SLC22A23: variants seen among roughly 807,000 people sequenced by gnomAD.
SLC22A23 encodes ion transporter protein.
Under a neutral mutation model 61.0 loss-of-function variants are expected in SLC22A23, and 26 were observed. The observed-to-expected ratio is 0.43, with a 90% CI of 0.31 to 0.59. The LOEUF is 0.59. SLC22A23 is among the 20% of genes least tolerant of loss of function. The pLI, the probability that SLC22A23 is intolerant of heterozygous loss-of-function variation, is 0.11. For synonymous variants in SLC22A23, 430 were observed against 413.9 expected, an observed-to-expected ratio of 1.04 and a Z score of -0.47; for missense variants, 796 against 934.7, an observed-to-expected ratio of 0.85 and a Z score of 1.94.
chr6:3,306,361 G>A (rs1761976090), intron 4 of SLC22A23, among the ~76,000 whole-genome samples: 1 of 152,202 alleles, frequency 6.6e-6, no homozygotes, highest in African/African-American at 2.4e-5. Context: ...CCAGGTAAGG[G>A]AAAAATAATT....
rs1769184711 is a variant in SLC22A23 at position 3,410,903 on chromosome 6, C to A, written c.759-561G>T. Among the ~76,000 whole-genome samples the A allele has an allele frequency of 6.6e-6, 1 of 152,194 alleles. No individual in the cohort carries two copies. Among genetic ancestry groups the A allele is most frequent in the Admixed American group, 6.5e-5 (1 of 15,274 alleles). On this transcript the variant is annotated intron_variant, in intron 2 of 9. Transcript: ENST00000406686. The surrounding 1 kb of genome is among the most constrained non-coding windows in gnomAD (Gnocchi z 5.0). Reference sequence around the variant, plus strand: ...ACGAGAAGTAATTTTTAAGGGATCACACACTAAGGTAAGACAGCGTGAACT... The same window carrying A: ...ACGAGAAGTAATTTTTAAGGGATCAAACACTAAGGTAAGACAGCGTGAACT...
chr6:3,310,222 G>A (rs1418634884), intron 4 of SLC22A23, among the ~76,000 whole-genome samples: 4 of 147,180 alleles, frequency 2.7e-5, no homozygotes, highest in African/African-American at 1.1e-4. Flanking sequence ...GGAGCACCCT[G>A]TCTCCCACTG....
intron 4 of SLC22A23, among the ~76,000 whole-genome samples, chr6:3,314,318 C>T (rs191886641): frequency 4.6e-5 from 7 of 152,316 alleles, no homozygotes; most frequent in Non-Finnish European, 7.4e-5. Flanking sequence ...CACAGAACCC[C>T]GGGCTCATTA....
At chr6:3,379,980 C>T (rs753101617) in intron 3 of SLC22A23, among the ~76,000 whole-genome samples, 7 of 151,634 alleles carry the variant, frequency 4.6e-5, no homozygotes, top group Admixed American at 1.3e-4. Context: ...TGTGTGTGCA[C>T]GTGCGTGCAT....
chr6:3,275,848 T>C (rs576387403), intron 9 of SLC22A23, among the ~76,000 whole-genome samples: 14 of 152,322 alleles, frequency 9.2e-5, no homozygotes, highest in East Asian at 7.7e-4. Flanking sequence ...TCCCAAAGTG[T>C]TGGGATTACA....
At chr6:3,349,505 G>GAATTATTATAGTACCA (rs1233017983) in intron 3 of SLC22A23, among the ~76,000 whole-genome samples, 6 of 152,190 alleles carry the variant, frequency 3.9e-5, no homozygotes, top group African/African-American at 1.4e-4. Context: ...TGCAGGCCCT[G>GAATTATTATAGTACCA]AATTATTATA....
rs1349591373 is a variant in SLC22A23, at chr6:3,304,245, G to C, written c.1083-6027C>G. Among the ~76,000 whole-genome samples the C allele has an allele frequency of 1.3e-5, 2 of 152,196 alleles. No homozygotes were observed. Among genetic ancestry groups the C allele is most frequent in the Non-Finnish European group, 2.9e-5 (2 of 68,034 alleles). On this transcript the variant is annotated intron_variant, in intron 4 of 9. Coordinates refer to ENST00000406686, the MANE Select transcript of SLC22A23 (RefSeq NM_015482.2). The surrounding 1 kb of genome is among the most constrained non-coding windows in gnomAD (Gnocchi z 4.3). ...AGGGCAGACAGGGCTCTGAGACTCTGCCTGCTCCTCAGTGATCACTCCCTC... is the reference window on the plus strand; with the variant it reads ...AGGGCAGACAGGGCTCTGAGACTCTCCCTGCTCCTCAGTGATCACTCCCTC...
chr6:3,383,397 C>T (rs143096208), intron 3 of SLC22A23, among the ~76,000 whole-genome samples: 3 of 152,314 alleles, frequency 2.0e-5, no homozygotes, highest in East Asian at 1.9e-4. Flanking sequence ...GCACCAAAGC[C>T]GGGTAGTGAG....
Position 3,323,923 on chromosome 6 carries a change from G to T in SLC22A23, c.993C>A (p.Leu331=). ...ASFVAMAGQF[L]MPGLAALCRD... ...GGCACAGGGCGGCTAGCCCAGGCAT[G>T]AGGAACTGGCCCGCCATGGCCACGA... The change falls in exon 4 of 10, where the codon CTC becomes CTA. Residue 331 remains leucine, a synonymous_variant. Transcript: ENST00000406686. 1 of 1,614,216 alleles carries T rather than the reference G, an allele frequency of 6.2e-7. No homozygotes were observed. Among genetic ancestry groups the T allele is most frequent in the Non-Finnish European group, 8.5e-7 (1 of 1,180,050 alleles).
At chr6:3,276,017 A>G (rs1169261012) in intron 9 of SLC22A23, among the ~76,000 whole-genome samples, 1 of 152,238 alleles carries the variant, frequency 6.6e-6, no homozygotes, top group Non-Finnish European at 1.5e-5. Context: ...GGTGGCCCTC[A>G]TAAACCAGAT....
At chr6:3,288,143 G>A (rs1429332378) in intron 6 of SLC22A23, among the ~76,000 whole-genome samples, 1 of 152,178 alleles carries the variant, frequency 6.6e-6, no homozygotes, top group Non-Finnish European at 1.5e-5. Context: ...GCTGCTGATG[G>A]CCATCCATGG....
chr6:3,386,304 T>G lies in SLC22A23; in HGVS notation c.913+23884A>C, dbSNP rs974280302. 1.3e-5 allele frequency among the ~76,000 whole-genome samples: 2 copies of G among 151,990 alleles called. No individual in the cohort carries two copies. The highest frequency in any genetic ancestry group is 2.9e-5 in the Non-Finnish European group (2 of 67,968). ...GGGAGGCAGAAAAGGCTGCTCAGGG[T>G]GGCGGTGGCCCAAGCTGGAGGGCAG... On this transcript the variant is annotated intron_variant, in intron 3 of 9. Transcript: ENST00000406686. This position sits in a 1 kb window ranked among gnomAD's most constrained non-coding sequence, Gnocchi z 4.4.
At chr6:3,385,535 T>C (rs1477817138) in intron 3 of SLC22A23, among the ~76,000 whole-genome samples, 2 of 152,084 alleles carry the variant, frequency 1.3e-5, no homozygotes, top group South Asian at 2.1e-4. Context: ...AAAAAAAGGT[T>C]AAGATGGTAA....
At chr6:3,396,183 C>CTGG (rs1186426882) in intron 3 of SLC22A23, among the ~76,000 whole-genome samples, 1 of 152,170 alleles carries the variant, frequency 6.6e-6, no homozygotes, top group Non-Finnish European at 1.5e-5. Flanking sequence ...GGCATGGTCC[C>CTGG]TGGCTAGGGC....
chr6:3,362,098 T>TTA (rs1490864117), intron 3 of SLC22A23, among the ~76,000 whole-genome samples: 2 of 151,594 alleles, frequency 1.3e-5, no homozygotes, highest in African/African-American at 4.9e-5. Context: ...ATTTTTTTTT[T>TTA]AAGCAAACTT....
At chr6:3,325,361 C>T (rs9503534) in intron 3 of SLC22A23, among the ~76,000 whole-genome samples, 38,161 of 152,058 alleles carry the variant, frequency 0.25, 5,898 homozygotes, top group African/African-American at 0.43. Context: ...GAGAGGGCAC[C>T]ATGCCAGCCA....
At chr6:3,338,184 T>C (rs756304571) in intron 3 of SLC22A23, among the ~76,000 whole-genome samples, 9 of 152,248 alleles carry the variant, frequency 5.9e-5, no homozygotes, top group Non-Finnish European at 1.3e-4. Context: ...TCAAATCATG[T>C]ATTGCTTTCT....
In SLC22A23 at chr6:3,454,456, C is replaced by T. The variant is rs981741057; in HGVS notation, c.654+1450G>A. Among the ~76,000 whole-genome samples the T allele has an allele frequency of 6.6e-6, 1 of 152,210 alleles. No homozygotes were observed. The highest frequency in any genetic ancestry group is 1.5e-5 in the Non-Finnish European group (1 of 68,046). The stretch of plus-strand genomic sequence containing the variant: ...ATACTCACTTTGATCCATTATTCTC[C>T]CTCTGCTCTAGAAAGACACTTGAAA... On this transcript the variant is annotated intron_variant, in intron 1 of 9. Transcript: ENST00000406686. This position sits in a 1 kb window ranked among gnomAD's most constrained non-coding sequence, Gnocchi z 4.3.
chr6:3,343,047 T>C (rs1027718103), intron 3 of SLC22A23, among the ~76,000 whole-genome samples: 1 of 152,212 alleles, frequency 6.6e-6, no homozygotes, highest in South Asian at 2.1e-4. Flanking sequence ...CTGCATCAAC[T>C]TCTCATCTTC....
Sources: allele counts gnomAD v4.1 joint callset (sites outside exome capture counted in the v4.1 genomes callset), GRCh38; gene constraint gnomAD v4.1.1; non-coding constraint Gnocchi (gnomAD v3.1); transcripts MANE v1.5; gene names NCBI Gene and HGNC (gene_info 2026-07-23, HGNC 2026-07-21).